The following ERBB4 variants were observed in gnomAD, a reference collection of about 807,000 sequenced individuals.
ERBB4 encodes the protein receptor tyrosine-protein kinase erbB-4.
Under a neutral mutation model 158.0 loss-of-function variants are expected in ERBB4, and 42 were observed. That is an observed-to-expected ratio of 0.27 (90% CI 0.21 to 0.34). The LOEUF (loss-of-function observed/expected upper bound fraction) is 0.34. ERBB4 is among the 10% of genes least tolerant of loss of function. ERBB4 has a pLI of 1.00. For missense variants in ERBB4, 1,333 were observed against 1,624.1 expected (o/e 0.82, Z 3.08); for synonymous variants, 583 against 558.7 (o/e 1.04, Z -0.61).
intron 3 of ERBB4, among the ~76,000 whole-genome samples, chr2:211,867,370 T>A (rs1045849906): frequency 1.3e-5 from 2 of 152,204 alleles, no homozygotes; most frequent in Non-Finnish European, 2.9e-5. Flanking sequence ...TCTGCAAATA[T>A]ATAGATCTGC....
chr2:212,412,996 C>A (rs1422129550), intron 1 of ERBB4, among the ~76,000 whole-genome samples: 1 of 151,814 alleles, frequency 6.6e-6, no homozygotes, highest in Non-Finnish European at 1.5e-5. Flanking sequence ...GAGACAGAGT[C>A]TCGTTCTGTC....
At chr2:212,021,120 T>C (rs2076639538) in intron 2 of ERBB4, among the ~76,000 whole-genome samples, 1 of 152,170 alleles carries the variant, frequency 6.6e-6, no homozygotes, top group Non-Finnish European at 1.5e-5. Flanking sequence ...ATTTTATTCC[T>C]GATAGATGTT....
chr2:211,548,209 A>G (rs1487224163), intron 20 of ERBB4, among the ~76,000 whole-genome samples: 1 of 152,014 alleles, frequency 6.6e-6, no homozygotes, highest in Non-Finnish European at 1.5e-5. Context: ...AAAGCATAAA[A>G]TTGTTTCAGG....
chr2:212,239,367 A>C (rs2083999993), intron 1 of ERBB4, among the ~76,000 whole-genome samples: 1 of 152,232 alleles, frequency 6.6e-6, no homozygotes, highest in South Asian at 2.1e-4. Flanking sequence ...CACATACAAA[A>C]AGGAGTAATT....
intron 1 of ERBB4, among the ~76,000 whole-genome samples, chr2:212,313,994 C>T (rs1052668910): frequency 1.3e-5 from 2 of 150,938 alleles, no homozygotes; most frequent in Non-Finnish European, 3.0e-5. Flanking sequence ...AAATACACTT[C>T]CAGATACTAG....
At chr2:211,715,023 G>T (rs950905832) in intron 7 of ERBB4, among the ~76,000 whole-genome samples, 2 of 152,176 alleles carry the variant, frequency 1.3e-5, no homozygotes, top group African/African-American at 4.8e-5. Context: ...ATGGATGGCA[G>T]CTTCTCTGTC....
At chr2:212,439,336 T>C (rs2092204302) in intron 1 of ERBB4, among the ~76,000 whole-genome samples, 1 of 152,192 alleles carries the variant, frequency 6.6e-6, no homozygotes, top group African/African-American at 2.4e-5. Context: ...ATAAAATGTA[T>C]CTCTAACTTT....
intron 3 of ERBB4, among the ~76,000 whole-genome samples, chr2:211,943,952 A>C (rs1366604491): frequency 1.3e-5 from 2 of 151,298 alleles, no homozygotes; most frequent in Admixed American, 1.3e-4. Context: ...ATGTTAACTA[A>C]TATCTCTTTT....
chr2:211,495,318 G>A (rs566526751), intron 20 of ERBB4, among the ~76,000 whole-genome samples: 17 of 152,106 alleles, frequency 1.1e-4, no homozygotes, highest in Admixed American at 2.6e-4. Flanking sequence ...AAGATAGACT[G>A]AATATAATAA....
At chr2:212,145,972 C>A (rs563287403) in intron 1 of ERBB4, among the ~76,000 whole-genome samples, 4 of 152,060 alleles carry the variant, frequency 2.6e-5, no homozygotes, top group Non-Finnish European at 5.9e-5. Flanking sequence ...TTCCTGTCCC[C>A]CTAAGGGCCC....
chr2:212,313,068 T>C (rs541395389), intron 1 of ERBB4, among the ~76,000 whole-genome samples: 2 of 150,954 alleles, frequency 1.3e-5, no homozygotes, highest in Admixed American at 1.3e-4. Context: ...GTGGAACATG[T>C]AGACAATTTA....
intron 3 of ERBB4, among the ~76,000 whole-genome samples, chr2:211,840,097 T>C (rs2077437353): frequency 6.6e-6 from 1 of 152,074 alleles, no homozygotes; most frequent in South Asian, 2.1e-4. Context: ...AAATCTCATC[T>C]TGAATTGTAA....
chr2:211,481,709 C>G (rs145758087), intron 20 of ERBB4, among the ~76,000 whole-genome samples: 1 of 151,782 alleles, frequency 6.6e-6, no homozygotes, highest in Non-Finnish European at 1.5e-5. Flanking sequence ...CACAATAGGA[C>G]GATATATCTA....
At chr2:211,622,712 T>A (rs749171496) in intron 18 of ERBB4, among the ~76,000 whole-genome samples, 108 of 151,492 alleles carry the variant, frequency 7.1e-4, no homozygotes, top group Middle Eastern at 6.8e-3. Context: ...ATGCCTCTAA[T>A]CCTAGCACTT....
chr2:212,205,120 C>T (rs981808042), intron 1 of ERBB4, among the ~76,000 whole-genome samples: 5 of 152,016 alleles, frequency 3.3e-5, no homozygotes, highest in Admixed American at 3.3e-4. Flanking sequence ...GCCTGGCCAA[C>T]TTCCAGACAG....
At chr2:211,773,949 A>C (rs73069338) in intron 4 of ERBB4, among the ~76,000 whole-genome samples, 20,158 of 151,844 alleles carry the variant, frequency 0.13, 1,542 homozygotes, top group East Asian at 0.31. Flanking sequence ...ACTCTAGAAC[A>C]GGATTGTGCT....
intron 19 of ERBB4, among the ~76,000 whole-genome samples, chr2:211,596,766 C>G (rs2068644396): frequency 6.6e-6 from 1 of 151,200 alleles, no homozygotes; most frequent in South Asian, 2.1e-4. Flanking sequence ...TACCCACTTA[C>G]TCTTTTTTTT....
At chr2:212,391,695 T>G (rs2090867719) in intron 1 of ERBB4, among the ~76,000 whole-genome samples, 1 of 95,270 alleles carries the variant, frequency 1.0e-5, no homozygotes, top group South Asian at 3.7e-4. Flanking sequence ...ATATATTATA[T>G]TATATATTAT....
At chr2:212,100,376 G>C (rs751914980) in intron 2 of ERBB4, among the ~76,000 whole-genome samples, 2 of 152,194 alleles carry the variant, frequency 1.3e-5, no homozygotes, top group African/African-American at 4.8e-5. Flanking sequence ...AAGCCAAATT[G>C]TTCTCCCTTA....
Sources: gnomAD v4.1 joint callset for allele counts (sites outside exome capture counted in the v4.1 genomes callset) on GRCh38, gnomAD v4.1.1 for gene constraint, MANE v1.5 for transcripts, NCBI Gene and HGNC (gene_info 2026-07-23, HGNC 2026-07-21) for gene names.